The following DPY19L2 variants were observed in gnomAD, a reference collection of about 807,000 sequenced individuals.
DPY19L2 encodes the protein dpy-19 like 2.
A neutral mutation model predicts 97.9 loss-of-function variants in DPY19L2; 34 were observed. The observed-to-expected ratio is 0.35, with a 90% confidence interval of 0.26 to 0.46. The LOEUF (loss-of-function observed/expected upper bound fraction) is 0.46, where lower values mean the gene tolerates loss of function less well. Among genes scored for constraint, DPY19L2 ranks in the 20% least tolerant of loss-of-function variants. The pLI is 1.00. For missense variants in DPY19L2, 623 were observed against 911.4 expected, an observed-to-expected ratio of 0.68 and a Z score of 4.07; for synonymous variants, 230 against 307.9, an observed-to-expected ratio of 0.75 and a Z score of 2.65.
intron 6 of DPY19L2, among the ~76,000 whole-genome samples, chr12:63,641,891 A>C (rs1483783826): frequency 6.6e-6 from 1 of 152,154 alleles, no homozygotes; most frequent in Non-Finnish European, 1.5e-5. Flanking sequence ...TGTTTACCAA[A>C]ATAGTTGTAC....
At chr12:63,654,415 C>T (rs1894687844) in intron 4 of DPY19L2, among the ~76,000 whole-genome samples, 2 of 151,884 alleles carry the variant, frequency 1.3e-5, no homozygotes, top group South Asian at 4.2e-4. Context: ...AAAATAAAAG[C>T]AAACAGAAAT....
chr12:63,639,962 C>A (rs1340779557), intron 6 of DPY19L2, among the ~76,000 whole-genome samples: 2 of 152,118 alleles, frequency 1.3e-5, no homozygotes, highest in Non-Finnish European at 2.9e-5. Flanking sequence ...AAATGTCCAA[C>A]AATGATAGAC....
At chr12:63,596,258 T>A (rs1212227463) in intron 14 of DPY19L2, among the ~76,000 whole-genome samples, 1 of 151,950 alleles carries the variant, frequency 6.6e-6, no homozygotes, top group Non-Finnish European at 1.5e-5. Flanking sequence ...TAATGAAAAA[T>A]TTATTATTTT....
intron 21 of DPY19L2, among the ~76,000 whole-genome samples, chr12:63,566,024 CAT>C (rs1321463394): frequency 6.6e-6 from 1 of 152,088 alleles, no homozygotes; most frequent in East Asian, 1.9e-4. Flanking sequence ...TGTTTACTCA[CAT>C]GATATCTTTT....
In DPY19L2 at chr12:63,621,634, C is replaced by A. The variant is rs573191591; in HGVS notation, c.954-297G>T. Among the ~76,000 whole-genome samples, 16 of 152,226 alleles carry A rather than the reference C, an allele frequency of 1.1e-4. 1 individual carries two copies. The East Asian group carries it at 3.1e-3, about 29-fold the overall frequency. On this transcript the variant is annotated intron_variant, in intron 8 of 21. Coordinates refer to ENST00000324472, the MANE Select transcript of DPY19L2 (RefSeq NM_173812.5). ...TGACATTAGAAATTTATTACTCCAG[C>A]AAGGAGGTCAGAAAATAGGATGCAG...
At chr12:63,570,448 C>T (rs1878582820) in intron 20 of DPY19L2, among the ~76,000 whole-genome samples, 1 of 152,108 alleles carries the variant, frequency 6.6e-6, no homozygotes, top group Non-Finnish European at 1.5e-5. Context: ...ACCTACTCTT[C>T]CAACTACCTA....
rs1896559190 is a variant in DPY19L2, at chr12:63,668,214, T to C, written c.180A>G (p.Gln60=). Residue 60 remains glutamine (Q), a synonymous_variant, in exon 1 of 22, where the codon CAA becomes CAG. Coordinates refer to ENST00000324472, the MANE Select transcript of DPY19L2 (RefSeq NM_173812.5). The part of the protein sequence containing the change: ...GSWRSSPGRI[Q]SLKERKGLEL... ...CCAAGCCTTTTCGCTCTTTCAGACT[T>C]TGGATCCTCCCCGGGGAGGACCTCC... is the stretch of plus-strand genomic sequence containing the variant. 1 of 1,613,720 alleles carries C rather than the reference T, an allele frequency of 6.2e-7. No homozygotes were observed. Among genetic ancestry groups the C allele is most frequent in the Non-Finnish European group, 8.5e-7 (1 of 1,179,898 alleles).
At chr12:63,574,161 G>A (rs191851811) in intron 19 of DPY19L2, among the ~76,000 whole-genome samples, 3 of 151,976 alleles carry the variant, frequency 2.0e-5, no homozygotes, top group Admixed American at 6.6e-5. Flanking sequence ...ACAAGAAAAA[G>A]GTAAAAAGTG....
chr12:63,567,385 A>T (rs1418163473), intron 21 of DPY19L2, among the ~76,000 whole-genome samples: 2 of 152,008 alleles, frequency 1.3e-5, no homozygotes, highest in Non-Finnish European at 2.9e-5. Flanking sequence ...GATGACAACA[A>T]GCATCTTTAA....
chr12:63,652,466 T>G (rs1276252482), intron 4 of DPY19L2, among the ~76,000 whole-genome samples: 1 of 152,106 alleles, frequency 6.6e-6, no homozygotes, highest in East Asian at 1.9e-4. Flanking sequence ...TAAAGACACA[T>G]GCACATGTAT....
chr12:63,641,631 A>G (rs1237208841), intron 6 of DPY19L2, among the ~76,000 whole-genome samples: 2 of 152,050 alleles, frequency 1.3e-5, no homozygotes, highest in Non-Finnish European at 2.9e-5. Flanking sequence ...TGTTGTGTGT[A>G]GCTGTATAGT....
Position 63,560,413 on chromosome 12 carries a change from T to C in DPY19L2, c.*99A>G. The C allele has an allele frequency of 1.5e-6, 2 of 1,364,354 alleles. No individual in the cohort carries two copies. Among genetic ancestry groups the C allele is most frequent in the South Asian group, 1.8e-5 (1 of 54,780 alleles). The allele number at this position is 1,364,354 out of a possible 1,614,324, so 84.5% of individuals were successfully genotyped here. On this transcript the variant is annotated 3_prime_UTR_variant, in exon 22 of 22. Transcript: ENST00000324472. ...CATTTTTATCTTATTTTTAAGTGTC[T>C]GTTATTAAAGCTTGTGATTTTTATT...
At chr12:63,564,224 A>G (rs757365311) in intron 21 of DPY19L2, among the ~76,000 whole-genome samples, 41 of 152,256 alleles carry the variant, frequency 2.7e-4, no homozygotes, top group Non-Finnish European at 4.7e-4. Flanking sequence ...TTAGGAGGAA[A>G]TACACACTGA....
At chr12:63,649,553 T>C (rs1221830351) in intron 4 of DPY19L2, among the ~76,000 whole-genome samples, 3 of 152,118 alleles carry the variant, frequency 2.0e-5, no homozygotes, top group Non-Finnish European at 4.4e-5. Context: ...CAAACAACTC[T>C]ATGGACACAA....
intron 2 of DPY19L2, 122 bp from the exon 3 acceptor site, chr12:63,663,967 T>C: frequency 3.0e-6 from 2 of 665,022 alleles, no homozygotes; most frequent in Middle Eastern, 4.2e-4. Context: ...TATAATTTGC[T>C]TACTAACTTG....
At chr12:63,595,824 G>A (rs11832069) in intron 15 of DPY19L2, 142 bp downstream of exon 15, 33,782 of 680,428 alleles carry the variant, frequency 0.05, 1,318 homozygotes, top group African/African-American at 0.16. Flanking sequence ...TAAAAAGATC[G>A]ATGATGAAAG....
chr12:63,662,720 C>G (rs542487450), intron 3 of DPY19L2, among the ~76,000 whole-genome samples: 1 of 152,176 alleles, frequency 6.6e-6, no homozygotes, highest in East Asian at 1.9e-4. Flanking sequence ...AGTCCAGACT[C>G]TGCCACAGTT....
Position 63,665,993 on chromosome 12 carries a change from T to C in DPY19L2, c.338-134A>G, listed in dbSNP as rs1896290984. The C allele has an allele frequency of 2.9e-5, 25 of 860,720 alleles. 2 individuals carry two copies. The South Asian group carries it at 4.4e-4, about 15-fold the overall frequency. The allele number at this position is 860,720 out of a possible 1,614,324, so 53.3% of individuals were successfully genotyped here. A position where few individuals can be genotyped will look rare whatever the true frequency, so the allele number is the denominator to read the frequency against. ...AAAGCAAGACGGCCAGCTAATCCTG[T>C]CTCTAAGAGCATAGGAAAAAATCCA... On this transcript the variant is annotated intron_variant, in intron 1 of 21. Coordinates refer to ENST00000324472, the MANE Select transcript of DPY19L2 (RefSeq NM_173812.5).
At chr12:63,569,747 T>G (rs1292670572) in intron 20 of DPY19L2, among the ~76,000 whole-genome samples, 1 of 152,158 alleles carries the variant, frequency 6.6e-6, no homozygotes, top group Non-Finnish European at 1.5e-5. Flanking sequence ...GACAAATACA[T>G]GAATTGAAAT....
Sources: gnomAD v4.1 joint callset for allele counts (sites outside exome capture counted in the v4.1 genomes callset) on GRCh38, gnomAD v4.1.1 for gene constraint, MANE v1.5 for transcripts, NCBI Gene and HGNC (gene_info 2026-07-23, HGNC 2026-07-21) for gene names.